The following MAPK10 variants were observed in gnomAD, a reference collection of about 807,000 sequenced individuals.
MAPK10 encodes the protein JNK3 alpha protein kinase.
Under a neutral mutation model 59.3 loss-of-function variants are expected in MAPK10, and 25 were observed. The ratio of observed to expected loss-of-function variants is 0.42; its 90% CI spans 0.31 to 0.59. MAPK10 has a LOEUF of 0.59. MAPK10 is among the 20% of genes least tolerant of loss of function. MAPK10 has a pLI of 0.15. For synonymous variants in MAPK10, 190 were observed against 200.5 expected, an observed-to-expected ratio of 0.95 and a Z score of 0.44; for missense variants, 351 against 568.9, an observed-to-expected ratio of 0.62 and a Z score of 3.90.
intron 2 of MAPK10, among the ~76,000 whole-genome samples, chr4:86,350,283 C>T (rs1482326703): frequency 2.0e-5 from 3 of 151,968 alleles, no homozygotes; most frequent in African/African-American, 4.8e-5. Flanking sequence ...GGCACGATCG[C>T]GGCTCACTGC....
At chr4:86,331,330 C>T (rs1227533147) in intron 2 of MAPK10, among the ~76,000 whole-genome samples, 2 of 152,160 alleles carry the variant, frequency 1.3e-5, no homozygotes, top group Non-Finnish European at 2.9e-5. Context: ...AAGGAACATA[C>T]ATTTTCTCAC....
chr4:86,195,001 T>C (rs1562964107), intron 2 of MAPK10, among the ~76,000 whole-genome samples: 1 of 152,072 alleles, frequency 6.6e-6, no homozygotes, highest in Non-Finnish European at 1.5e-5. Context: ...TTTAAGTAAA[T>C]ATAATTGTGG....
chr4:86,369,460 TACAA>T (rs1738419140), intron 1 of MAPK10, among the ~76,000 whole-genome samples: 1 of 152,168 alleles, frequency 6.6e-6, no homozygotes, highest in South Asian at 2.1e-4. Flanking sequence ...GATGATCGTA[TACAA>T]ACACTTAAAA....
intron 1 of MAPK10, among the ~76,000 whole-genome samples, chr4:86,574,856 T>C (rs1761754465): frequency 6.6e-6 from 1 of 152,202 alleles, no homozygotes; most frequent in Non-Finnish European, 1.5e-5. Context: ...TATTTCTTCT[T>C]CTTGCCTCAT....
At chr4:86,044,739 A>T (rs1047033271) in intron 11 of MAPK10, 87 of 397,618 alleles carry the variant, frequency 2.2e-4, no homozygotes, top group Non-Finnish European at 4.4e-5. Flanking sequence ...TGAGCCTCAT[A>T]ATGCGTCACA....
intron 1 of MAPK10, among the ~76,000 whole-genome samples, chr4:86,486,848 C>T (rs1254462683): frequency 2.0e-5 from 3 of 152,162 alleles, no homozygotes; most frequent in African/African-American, 7.2e-5. Context: ...ATTGAATTAA[C>T]ATCACCAGTG....
chr4:86,094,696 G>A (rs2053905402), intron 9 of MAPK10, among the ~76,000 whole-genome samples: 1 of 151,848 alleles, frequency 6.6e-6, no homozygotes, highest in African/African-American at 2.4e-5. Flanking sequence ...GGCAGTGAAT[G>A]ACTGGATAGT....
intron 2 of MAPK10, among the ~76,000 whole-genome samples, chr4:86,267,640 T>G (rs1213872685): frequency 6.6e-6 from 1 of 152,146 alleles, no homozygotes; most frequent in Non-Finnish European, 1.5e-5. Context: ...TTGCAGTTCC[T>G]CCAATAAGTC....
intron 1 of MAPK10, among the ~76,000 whole-genome samples, chr4:86,471,271 C>A (rs548831452): frequency 5.9e-4 from 79 of 133,780 alleles, no homozygotes; most frequent in African/African-American, 2.1e-3. Context: ...TCTGTGCCCC[C>A]CTGCAAAAAA....
At chr4:86,202,003 T>G (rs1289179057) in intron 2 of MAPK10, among the ~76,000 whole-genome samples, 2 of 151,896 alleles carry the variant, frequency 1.3e-5, no homozygotes, top group South Asian at 2.1e-4. Context: ...ATTATAGACC[T>G]CATAAAACAT....
chr4:86,194,866 T>C (rs988397758), intron 2 of MAPK10, among the ~76,000 whole-genome samples: 7 of 151,922 alleles, frequency 4.6e-5, no homozygotes, highest in South Asian at 2.1e-4. Context: ...GTATCAGTAA[T>C]AGATAAATTT....
chr4:86,141,896 G>A (rs1028501917), intron 4 of MAPK10, among the ~76,000 whole-genome samples: 20 of 152,180 alleles, frequency 1.3e-4, no homozygotes, highest in Non-Finnish European at 2.9e-4. Flanking sequence ...GCATGGCCCT[G>A]GCTTGTGGCA....
intron 2 of MAPK10, among the ~76,000 whole-genome samples, chr4:86,261,235 A>G (rs982009670): frequency 6.6e-6 from 1 of 152,216 alleles, no homozygotes; most frequent in Non-Finnish European, 1.5e-5. Context: ...ATAATAATTC[A>G]TCACGTAATT....
intron 2 of MAPK10, among the ~76,000 whole-genome samples, chr4:86,212,277 G>C (rs1318866689): frequency 6.6e-6 from 1 of 152,064 alleles, no homozygotes; most frequent in Admixed American, 6.6e-5. Context: ...TAGCACTTTG[G>C]GAGGCTGAGG....
rs1737678514 is a variant in MAPK10, at chr4:86,365,413, C to G, written c.-121-10769G>C. On this transcript the variant is annotated intron_variant, in intron 1 of 13. Transcript: ENST00000361569. ...CACCATTGCGCTCCAGCCTGGGCAA[C>G]AGGGTGAGACTCTGTCTCAAAAAAA... 4.1e-5 allele frequency among the ~76,000 whole-genome samples: 4 copies of G among 97,510 alleles called. No individual in the cohort carries two copies. In the Admixed American group the frequency reaches 6.5e-4, roughly 16 times the overall value. 64.0% of individuals were successfully genotyped at this position (97,510 alleles called of 152,430 possible). A position where few individuals can be genotyped will look rare whatever the true frequency, so the allele number is the denominator to read the frequency against.
chr4:86,538,424 G>A (rs574949584), intron 1 of MAPK10, among the ~76,000 whole-genome samples: 1 of 152,300 alleles, frequency 6.6e-6, no homozygotes, highest in African/African-American at 2.4e-5. Flanking sequence ...GGGATTACAG[G>A]TGTGAGCCAC....
At chr4:86,390,690 A>G (rs1017327572) in intron 1 of MAPK10, among the ~76,000 whole-genome samples, 1 of 152,206 alleles carries the variant, frequency 6.6e-6, no homozygotes, top group Non-Finnish European at 1.5e-5. Context: ...TATGGGTACA[A>G]GAGAGAGGGA....
intron 2 of MAPK10, among the ~76,000 whole-genome samples, chr4:86,207,705 T>C (rs964660542): frequency 1.3e-5 from 2 of 152,136 alleles, no homozygotes; most frequent in African/African-American, 4.8e-5. Flanking sequence ...CATTTGTTTG[T>C]ATCCTCTTTT....
At chr4:86,126,874 G>A (rs185939015) in intron 4 of MAPK10, among the ~76,000 whole-genome samples, 22 of 151,908 alleles carry the variant, frequency 1.4e-4, no homozygotes, top group African/African-American at 5.1e-4. Flanking sequence ...TATCCAATCC[G>A]TGATTTCCCC....
Sources: gnomAD v4.1 joint callset for allele counts (sites outside exome capture counted in the v4.1 genomes callset) on GRCh38, gnomAD v4.1.1 for gene constraint, MANE v1.5 for transcripts, NCBI Gene and HGNC (gene_info 2026-07-23, HGNC 2026-07-21) for gene names.